Variants in KCNA2 observed in about 807,000 individuals in gnomAD.
KCNA2 encodes the protein potassium voltage-gated channel subfamily A member 2.
In KCNA2, 11 loss-of-function variants were observed where a neutral mutation model predicts 33.4. The ratio of observed to expected loss-of-function variants is 0.33; its 90% confidence interval spans 0.21 to 0.55. KCNA2 has a LOEUF of 0.55. Ranked by LOEUF, KCNA2 falls within the 20% of genes least tolerant of loss-of-function variation. The pLI is 0.93. For synonymous variants in KCNA2, 222 were observed against 231.3 expected, an observed-to-expected ratio of 0.96 and a Z score of 0.37; for missense variants, 291 against 621.6, an observed-to-expected ratio of 0.47 and a Z score of 5.66.
At position 110,602,098 on chromosome 1, in the gene KCNA2, A is replaced by C. The variant is rs1279153080; in HGVS notation, c.*1185T>G. Reference sequence around the variant, plus strand: ...ATGCCCGCGACTAGGTTAATTCCTAAGGTGCAGTCATGTGAGGTGTTCAGA... The same window carrying C: ...ATGCCCGCGACTAGGTTAATTCCTACGGTGCAGTCATGTGAGGTGTTCAGA... On this transcript the variant is annotated 3_prime_UTR_variant, in exon 3 of 3. Transcript: ENST00000316361. The C allele has an allele frequency of 1.3e-6, 2 of 1,550,420 alleles. No homozygotes were observed. Among genetic ancestry groups the C allele is most frequent in the African/African-American group, 2.7e-5 (2 of 73,030 alleles).
chr1:110,623,022 GAGAA>G (rs1650299733), intron 1 of KCNA2, among the ~76,000 whole-genome samples: 1 of 152,144 alleles, frequency 6.6e-6, no homozygotes, highest in Non-Finnish European at 1.5e-5. Flanking sequence ...AAGCAATTTT[GAGAA>G]AGAACAAGAT....
intron 1 of KCNA2, among the ~76,000 whole-genome samples, chr1:110,621,260 T>G (rs776251075): frequency 2.0e-5 from 3 of 152,262 alleles, no homozygotes; most frequent in Non-Finnish European, 4.4e-5. Flanking sequence ...TAACCATAGC[T>G]TCACATGGCA....
chr1:110,597,112 T>C lies in KCNA2; in HGVS notation c.*6171A>G. 1 of 985,274 alleles carries C rather than the reference T, an allele frequency of 1.0e-6. No individual in the cohort carries two copies. Among genetic ancestry groups the C allele is most frequent in the Non-Finnish European group, 1.2e-6 (1 of 829,934 alleles). The allele number at this position is 985,274 out of a possible 1,614,324, so 61.0% of individuals were successfully genotyped here. A position where few individuals can be genotyped will look rare whatever the true frequency, so the allele number is the denominator to read the frequency against. On this transcript the variant is annotated 3_prime_UTR_variant, in exon 3 of 3. Coordinates refer to ENST00000316361, the MANE Select transcript of KCNA2 (RefSeq NM_004974.4). ...GCTTCCTTCTGCAGCTCTCACGGAG[T>C]CCCTTTGGTTGAGCAAGTCAGCTTA...
intron 1 of KCNA2, among the ~76,000 whole-genome samples, chr1:110,625,276 C>T (rs1650362361): frequency 6.6e-6 from 1 of 152,078 alleles, no homozygotes; most frequent in African/African-American, 2.4e-5. Flanking sequence ...TGTGGTGGTC[C>T]CAGCACATAA....
upstream of KCNA2, among the ~76,000 whole-genome samples, chr1:110,608,185 C>G (rs12403861): frequency 0.23 from 35,121 of 152,194 alleles, 6,417 homozygotes; most frequent in African/African-American, 0.47. Context: ...GGTGGGCAGA[C>G]GAGGATGCCC....
At position 110,601,837 on chromosome 1, in the gene KCNA2, TAC is replaced by T; in HGVS notation, c.*1444_*1445del. The T allele has an allele frequency of 1.5e-6, 2 of 1,371,756 alleles. No individual in the cohort carries two copies. The highest frequency in any genetic ancestry group is 2.6e-5 in the East Asian group (1 of 37,792). 85.0% of individuals were successfully genotyped at this position (1,371,756 alleles called of 1,614,324 possible). A position where few individuals can be genotyped will look rare whatever the true frequency, so the allele number is the denominator to read the frequency against. On this transcript the variant is annotated 3_prime_UTR_variant, in exon 3 of 3. Transcript: ENST00000316361. ...GTGTGTGTGTGTGTGTGTATACATA[TAC>T]ACACATATGTATGTATATATATACA...
In KCNA2 at chr1:110,597,410, A is replaced by G. The variant is rs74389724; in HGVS notation, c.*5873T>C. On this transcript the variant is annotated 3_prime_UTR_variant, in exon 3 of 3. Transcript: ENST00000316361. ...CAACAAAATGGGCTGAAAAGGTCAC[A>G]CAAACTTAGGATTTTCATGCCTAGA... 28,512 of 985,414 alleles carry G rather than the reference A, an allele frequency of 0.029. 445 individuals are homozygous for G. The highest frequency in any genetic ancestry group is 0.033 in the Non-Finnish European group (27,238 of 829,924). The allele number at this position is 985,414 out of a possible 1,614,324, so 61.0% of individuals were successfully genotyped here.
At chr1:110,605,080 A>G in intron 2 of KCNA2, 135 bp from the exon 3 acceptor site, 1 of 418,480 alleles carries the variant, frequency 2.4e-6, no homozygotes, top group South Asian at 4.1e-5. Context: ...ACAAAGCAAA[A>G]TTTACTTTCA....
intron 1 of KCNA2, among the ~76,000 whole-genome samples, chr1:110,619,369 G>T (rs1650172719): frequency 2.0e-5 from 3 of 152,250 alleles, no homozygotes; most frequent in Middle Eastern, 3.2e-3. Context: ...CACATAGGAA[G>T]TTCTTACAAG....
intron 1 of KCNA2, among the ~76,000 whole-genome samples, chr1:110,613,318 G>T (rs534329489): frequency 6.6e-6 from 1 of 152,322 alleles, no homozygotes; most frequent in South Asian, 2.1e-4. Context: ...GTGTCCATCT[G>T]CACGCAGTCT....
chr1:110,606,874 C>G (rs1401815613), upstream of KCNA2: 2 of 152,336 alleles, frequency 1.3e-5, no homozygotes, highest in African/African-American at 4.8e-5. Flanking sequence ...GCCGAAGAGG[C>G]GAATGCAGCC....
intron 1 of KCNA2, among the ~76,000 whole-genome samples, chr1:110,614,959 T>C (rs1466756508): frequency 6.6e-6 from 1 of 152,180 alleles, no homozygotes; most frequent in Non-Finnish European, 1.5e-5. Flanking sequence ...GCCAAATCAT[T>C]TTGAAAACGA....
At chr1:110,623,325 G>A (rs1274890844) in intron 1 of KCNA2, among the ~76,000 whole-genome samples, 2 of 152,110 alleles carry the variant, frequency 1.3e-5, no homozygotes, top group Non-Finnish European at 2.9e-5. Context: ...TGGATCATTA[G>A]ACCTAACCAA....
Position 110,603,565 on chromosome 1 carries a change from G to T in KCNA2, c.1218C>A (p.Val406=). 6.2e-7 allele frequency: 1 copy of T among 1,613,974 alleles called. No individual in the cohort carries two copies. Among genetic ancestry groups the T allele is most frequent in the Non-Finnish European group, 8.5e-7 (1 of 1,180,014 alleles). The change falls in exon 3 of 3, where the codon GTC becomes GTA. Residue 406 remains valine, a synonymous_variant. Transcript: ENST00000316361. The surrounding 1 kb of genome is among the most constrained non-coding windows in gnomAD (Gnocchi z 5.7). ...IAGVLTIALP[V]PVIVSNFNYF... ...AGTTGAAATTGGACACAATGACAGG[G>T]ACCGGTAAGGCAATAGTTAACACAC...
At chr1:110,630,151 G>A (rs1175549974) in intron 1 of KCNA2, among the ~76,000 whole-genome samples, 2 of 151,968 alleles carry the variant, frequency 1.3e-5, no homozygotes, top group African/African-American at 4.8e-5. Flanking sequence ...AAGTAGCTGG[G>A]ATTACAGGCA....
At position 110,594,359 on chromosome 1, in the gene KCNA2, A is replaced by G. The variant is rs1018555152; in HGVS notation, c.*8924T>C. Reference sequence around the variant, plus strand: ...TATATATACACACACATCACACACAATATAAAGTCTCCAGAGGCAGCCTAT... The same window carrying G: ...TATATATACACACACATCACACACAGTATAAAGTCTCCAGAGGCAGCCTAT... On this transcript the variant is annotated 3_prime_UTR_variant, in exon 3 of 3. Transcript: ENST00000316361. 2 of 982,608 alleles carry G rather than the reference A, an allele frequency of 2.0e-6. No individual in the cohort carries two copies. Among genetic ancestry groups the G allele is most frequent in the African/African-American group, 3.5e-5 (2 of 56,774 alleles). The allele number at this position is 982,608 out of a possible 1,614,324, so 60.9% of individuals were successfully genotyped here. A position where few individuals can be genotyped will look rare whatever the true frequency, so the allele number is the denominator to read the frequency against.
rs1649096908 is a variant in KCNA2, at chr1:110,596,335, C to T, written c.*6948G>A. The T allele has an allele frequency of 6.0e-6, 2 of 335,438 alleles. No individual in the cohort carries two copies. The highest frequency in any genetic ancestry group is 3.4e-4 in the East Asian group (2 of 5,900). 20.8% of individuals were successfully genotyped at this position (335,438 alleles called of 1,614,324 possible). ...AAAATAGTATACATATATACATATA[C>T]TATATATATATATATACACACATAA... On this transcript the variant is annotated 3_prime_UTR_variant, in exon 3 of 3. Coordinates refer to ENST00000316361, the MANE Select transcript of KCNA2 (RefSeq NM_004974.4).
Position 110,595,433 on chromosome 1 carries a change from T to G in KCNA2, c.*7850A>C. 1.0e-6 allele frequency: 1 copy of G among 985,394 alleles called. No homozygotes were observed. The highest frequency in any genetic ancestry group is 1.2e-6 in the Non-Finnish European group (1 of 829,926). The allele number at this position is 985,394 out of a possible 1,614,324, so 61.0% of individuals were successfully genotyped here. A position where few individuals can be genotyped will look rare whatever the true frequency, so the allele number is the denominator to read the frequency against. On this transcript the variant is annotated 3_prime_UTR_variant, in exon 3 of 3. Coordinates refer to ENST00000316361, the MANE Select transcript of KCNA2 (RefSeq NM_004974.4). ...TGGGCTTCTGCTGCCTGATCACAAC[T>G]AACATAGCCAGACTGGAGGGCTTCT...
intron 1 of KCNA2, among the ~76,000 whole-genome samples, chr1:110,630,084 T>C (rs934533459): frequency 8.0e-5 from 12 of 150,208 alleles, no homozygotes; most frequent in African/African-American, 2.7e-4. Flanking sequence ...GGTGCCATCT[T>C]GGCTCACCGC....
Sources: allele counts gnomAD v4.1 joint callset (sites outside exome capture counted in the v4.1 genomes callset), GRCh38; gene constraint gnomAD v4.1.1; non-coding constraint Gnocchi (gnomAD v3.1); transcripts MANE v1.5; gene names NCBI Gene and HGNC (gene_info 2026-07-23, HGNC 2026-07-21).